ANKS1A: variants seen among roughly 807,000 people sequenced by gnomAD.
ANKS1A encodes ankyrin repeat and SAM domain-containing protein 1A.
Under a neutral mutation model 120.3 loss-of-function variants are expected in ANKS1A, and 55 were observed. That is an observed-to-expected ratio of 0.46 (90% CI 0.37 to 0.57). The LOEUF is 0.57. ANKS1A is among the 20% of genes least tolerant of loss of function. The pLI, the probability that ANKS1A is intolerant of heterozygous loss-of-function variation, is 0.00. For missense variants in ANKS1A, 1,123 were observed against 1,480.3 expected (o/e 0.76, Z 3.96); for synonymous variants, 590 against 604.7 (o/e 0.98, Z 0.36).
chr6:35,032,617 G>A (rs1268961521), intron 11 of ANKS1A, among the ~76,000 whole-genome samples: 1 of 152,214 alleles, frequency 6.6e-6, no homozygotes, highest in African/African-American at 2.4e-5. Context: ...AACTCAAGGT[G>A]TGGATTGCTA....
rs965403349 is a variant in ANKS1A at position 35,050,662 on chromosome 6, GGA to G, written c.2011-3432_2011-3431del. 6.6e-6 allele frequency among the ~76,000 whole-genome samples: 1 copy of G among 152,240 alleles called. No homozygotes were observed. The highest frequency in any genetic ancestry group is 2.4e-5 in the African/African-American group (1 of 41,470). ...GGGCATGAGGGTGAGTCTGAGGCAA[GGA>G]GAGAAGATGAGCTCCGGCTTCTCCC... On this transcript the variant is annotated intron_variant, in intron 11 of 23. Coordinates refer to ENST00000360359, the MANE Select transcript of ANKS1A (RefSeq NM_015245.3). This position sits in a 1 kb window ranked among gnomAD's most constrained non-coding sequence, Gnocchi z 4.3.
At chr6:34,993,616 C>A (rs1390645486) in intron 9 of ANKS1A, among the ~76,000 whole-genome samples, 1 of 152,172 alleles carries the variant, frequency 6.6e-6, no homozygotes, top group Non-Finnish European at 1.5e-5. Flanking sequence ...TTCCCAATAA[C>A]CCTCAGGACC....
intron 12 of ANKS1A, among the ~76,000 whole-genome samples, chr6:35,055,570 C>T (rs796984625): frequency 4.6e-5 from 7 of 152,262 alleles, no homozygotes; most frequent in African/African-American, 9.6e-5. Flanking sequence ...CCTCGTGATC[C>T]GCCTGCGTTG....
intron 1 of ANKS1A, among the ~76,000 whole-genome samples, chr6:34,929,178 G>A (rs569564933): frequency 5.3e-5 from 8 of 152,220 alleles, no homozygotes; most frequent in Non-Finnish European, 1.0e-4. Flanking sequence ...CTGGAATGGA[G>A]TAAGTAAGGA....
rs780744564 is a variant in ANKS1A at position 35,017,980 on chromosome 6, G to A, written c.1931G>A (p.Arg644Gln). 6.2e-6 allele frequency: 10 copies of A among 1,614,072 alleles called. No homozygotes were observed. Among genetic ancestry groups the A allele is most frequent in the East Asian group, 4.5e-5 (2 of 44,886 alleles). ...SPTEDATMGS[R>Q]SESLSNCSIG... Reference sequence around the variant, plus strand: ...ACAGAGGACGCTACCATGGGGAGTCGGAGTGAGTCCTTATCCAACTGCAGC... The same window carrying A: ...ACAGAGGACGCTACCATGGGGAGTCAGAGTGAGTCCTTATCCAACTGCAGC... Residue 644 changes from arginine to glutamine, a missense_variant, in exon 11 of 24, where the codon CGG (arginine) becomes CAG (glutamine). Arg to Gln is a conservative substitution (Grantham distance 43). Coordinates refer to ENST00000360359, the MANE Select transcript of ANKS1A (RefSeq NM_015245.3).
chr6:34,984,988 C>A, intron 7 of ANKS1A, 94 bp from the exon 8 acceptor site: 1 of 1,165,730 alleles, frequency 8.6e-7, no homozygotes, highest in Non-Finnish European at 1.2e-6. Flanking sequence ...TTTGTGAGCG[C>A]GGGTGACTAA....
At chr6:34,936,125 C>T (rs564834981) in intron 1 of ANKS1A, among the ~76,000 whole-genome samples, 84 of 151,678 alleles carry the variant, frequency 5.5e-4, no homozygotes, top group African/African-American at 1.9e-3. Flanking sequence ...ATTAGCATGT[C>T]CCTAGTTGCT....
chr6:34,899,275 T>C (rs1767236465), intron 1 of ANKS1A, among the ~76,000 whole-genome samples: 1 of 152,210 alleles, frequency 6.6e-6, no homozygotes, highest in South Asian at 2.1e-4. Flanking sequence ...TGGTTCTTTT[T>C]CATAGACCAA....
intron 2 of ANKS1A, 95 bp downstream of exon 2, chr6:34,967,414 T>C (rs1770950723): frequency 8.0e-7 from 1 of 1,253,670 alleles, no homozygotes; most frequent in Non-Finnish European, 1.1e-6. Context: ...CTGGCTGAGC[T>C]TAGTGGCTCA....
chr6:35,079,409 G>C (rs995477791), intron 14 of ANKS1A, 107 bp from the exon 15 acceptor site: 4 of 1,439,374 alleles, frequency 2.8e-6, no homozygotes, highest in Non-Finnish European at 3.7e-6. Flanking sequence ...CCCAAACACA[G>C]AGGGCCCCCT....
At chr6:35,005,867 A>G (rs543573525) in intron 10 of ANKS1A, 3 of 376,558 alleles carry the variant, frequency 8.0e-6, no homozygotes, top group East Asian at 1.7e-4. Context: ...AGCCTGGCCA[A>G]CATGGCGAAA....
At chr6:35,049,549 G>A (rs957523859) in intron 11 of ANKS1A, among the ~76,000 whole-genome samples, 1 of 152,136 alleles carries the variant, frequency 6.6e-6, no homozygotes, top group African/African-American at 2.4e-5. Flanking sequence ...GGTGTCTCCC[G>A]CCCCGTGGCT....
In ANKS1A at chr6:35,085,994, T is replaced by C. The variant is rs1359279441; in HGVS notation, c.3303+58T>C. The C allele has an allele frequency of 2.7e-5, 41 of 1,519,300 alleles. No homozygotes were observed. The highest frequency in any genetic ancestry group is 3.4e-5 in the Non-Finnish European group (39 of 1,141,346). 94.1% of individuals were successfully genotyped at this position (1,519,300 alleles called of 1,614,324 possible). On this transcript the variant is annotated intron_variant, in intron 22 of 23. Transcript: ENST00000360359. The surrounding 1 kb of genome is among the most constrained non-coding windows in gnomAD (Gnocchi z 4.7). Reference sequence around the variant, plus strand: ...TCCCTGGCCCCAGGGATTCAAGGGCTCAGGGTGGTCAGCGTGAGGAGGGTC... The same window carrying C: ...TCCCTGGCCCCAGGGATTCAAGGGCCCAGGGTGGTCAGCGTGAGGAGGGTC...
chr6:34,890,677 G>A (rs1176021865), intron 1 of ANKS1A, among the ~76,000 whole-genome samples: 1 of 152,198 alleles, frequency 6.6e-6, no homozygotes, highest in Non-Finnish European at 1.5e-5. Context: ...GTTTTGTGTG[G>A]CTTCGAAGGG....
At chr6:35,054,443 TATTC>T (rs1776110858) in intron 12 of ANKS1A, among the ~76,000 whole-genome samples, 1 of 152,190 alleles carries the variant, frequency 6.6e-6, no homozygotes. Flanking sequence ...AATCGTAACT[TATTC>T]ATTATTTTAT....
intron 1 of ANKS1A, among the ~76,000 whole-genome samples, chr6:34,904,108 A>C (rs1443705844): frequency 2.0e-5 from 3 of 152,206 alleles, no homozygotes; most frequent in African/African-American, 7.2e-5. Context: ...AAGATACCAG[A>C]ATTCCAGCTC....
chr6:35,065,714 A>T (rs843937), intron 13 of ANKS1A, among the ~76,000 whole-genome samples: 2 of 152,212 alleles, frequency 1.3e-5, no homozygotes, highest in Non-Finnish European at 2.9e-5. Flanking sequence ...ACTGGGGCCC[A>T]TCAGGCTGGG....
In ANKS1A at chr6:35,082,920, G is replaced by A. The variant is rs980161349; in HGVS notation, c.2835+104G>A. On this transcript the variant is annotated intron_variant, in intron 18 of 23. Transcript: ENST00000360359. This position sits in a 1 kb window ranked among gnomAD's most constrained non-coding sequence, Gnocchi z 4.1. ...GGGACTCCACAAAGCCAGGCCCAGG[G>A]CTTTTGAGCTGTTCTCCACTCTCAG... 3.1e-5 allele frequency: 47 copies of A among 1,516,670 alleles called. No individual in the cohort carries two copies. The highest frequency in any genetic ancestry group is 4.0e-5 in the Non-Finnish European group (45 of 1,132,618). The allele number at this position is 1,516,670 out of a possible 1,614,324, so 94.0% of individuals were successfully genotyped here. A position where few individuals can be genotyped will look rare whatever the true frequency, so the allele number is the denominator to read the frequency against.
In ANKS1A at chr6:35,072,966, G is replaced by A. The variant is rs530779110; in HGVS notation, c.2185-5592G>A. ...AGACGACTGGGGTTGGTCAGATGGGGCCTGAGCAGTCCCTTTGCCATGCTC... is the reference window on the plus strand; with the variant it reads ...AGACGACTGGGGTTGGTCAGATGGGACCTGAGCAGTCCCTTTGCCATGCTC... On this transcript the variant is annotated intron_variant, in intron 13 of 23. Transcript: ENST00000360359. 2.2e-3 allele frequency among the ~76,000 whole-genome samples: 328 copies of A among 152,346 alleles called. 2 individuals are homozygous for A. The highest frequency in any genetic ancestry group is 1.7e-3 in the Non-Finnish European group (117 of 68,032).
Sources: gnomAD v4.1 joint callset for allele counts (sites outside exome capture counted in the v4.1 genomes callset) on GRCh38, gnomAD v4.1.1 for gene constraint, Gnocchi (gnomAD v3.1) non-coding constraint, MANE v1.5 for transcripts, NCBI Gene and HGNC (gene_info 2026-07-23, HGNC 2026-07-21) for gene names.